The following CPPED1 variants were observed in gnomAD, a reference collection of about 807,000 sequenced individuals.
The protein encoded by CPPED1 is serine/threonine-protein phosphatase CPPED1.
CPPED1 carries 28 observed loss-of-function variants against 28.0 expected under a neutral mutation model. The ratio of observed to expected loss-of-function variants is 1.00; its 90% CI spans 0.74 to 1.37. The LOEUF is 1.37. Ranked by LOEUF, CPPED1 falls within the 40% of genes most tolerant of loss-of-function variation. The pLI is 0.00. For missense variants in CPPED1, 504 were observed against 416.5 expected (o/e 1.21, Z -1.83); for synonymous variants, 198 against 180.2 (o/e 1.10, Z -0.79).
At chr16:12,783,511 T>A (rs1041723929) in intron 1 of CPPED1, among the ~76,000 whole-genome samples, 12 of 122,998 alleles carry the variant, frequency 9.8e-5, no homozygotes, top group African/African-American at 2.7e-4. Context: ...ATAAATAAAT[T>A]AAATAAATAA....
intron 1 of CPPED1, among the ~76,000 whole-genome samples, chr16:12,798,921 T>C (rs2141248139): frequency 6.6e-6 from 1 of 152,338 alleles, no homozygotes; most frequent in East Asian, 1.9e-4. Context: ...TACAATTTTT[T>C]TTAATCAACA....
intron 2 of CPPED1, among the ~76,000 whole-genome samples, chr16:12,723,641 G>T (rs2080154063): frequency 1.3e-5 from 2 of 152,184 alleles, no homozygotes; most frequent in African/African-American, 4.8e-5. Flanking sequence ...TTTCTGCTGT[G>T]TATACCCCCA....
At chr16:12,776,910 C>A (rs1164208057) in intron 2 of CPPED1, among the ~76,000 whole-genome samples, 1 of 152,054 alleles carries the variant, frequency 6.6e-6, no homozygotes. Context: ...CAGAGTGAGA[C>A]TCCATCTCAA....
chr16:12,756,212 T>C (rs1449329353), intron 2 of CPPED1, among the ~76,000 whole-genome samples: 1 of 151,936 alleles, frequency 6.6e-6, no homozygotes, highest in East Asian at 1.9e-4. Flanking sequence ...AGACTGGCAA[T>C]TTGGGAAGGA....
At chr16:12,700,243 C>T (rs1323448756) in intron 3 of CPPED1, among the ~76,000 whole-genome samples, 1 of 152,136 alleles carries the variant, frequency 6.6e-6, no homozygotes, top group East Asian at 1.9e-4. Context: ...GAGGTAGGTG[C>T]CTTTGTATAC....
At chr16:12,701,284 C>G (rs563074168) in intron 3 of CPPED1, among the ~76,000 whole-genome samples, 14 of 152,060 alleles carry the variant, frequency 9.2e-5, no homozygotes, top group African/African-American at 3.1e-4. Flanking sequence ...AATTCCAGCA[C>G]TTTGGGAGGC....
chr16:12,736,656 G>C lies in CPPED1; in HGVS notation c.290-31607C>G, dbSNP rs562904231. ...AGGGAGGAGGAGAGACTTAGATTCA[G>C]TATTCTTCCATTTGCTTAACCATTA... On this transcript the variant is annotated intron_variant, in intron 2 of 3. Coordinates refer to ENST00000381774, the MANE Select transcript of CPPED1 (RefSeq NM_018340.3). Among the ~76,000 whole-genome samples, 50 of 152,308 alleles carry C rather than the reference G, an allele frequency of 3.3e-4. 1 individual carries two copies. In the South Asian group the frequency reaches 0.01, roughly 31 times the overall value.
At chr16:12,721,537 G>C (rs1160158183) in intron 2 of CPPED1, among the ~76,000 whole-genome samples, 1 of 152,084 alleles carries the variant, frequency 6.6e-6, no homozygotes, top group African/African-American at 2.4e-5. Flanking sequence ...CGCATCTCCT[G>C]AGGTCAGGAG....
chr16:12,776,616 C>T (rs532559353), intron 2 of CPPED1, among the ~76,000 whole-genome samples: 1 of 152,252 alleles, frequency 6.6e-6, no homozygotes, highest in East Asian at 1.9e-4. Context: ...CTCTTGTCTG[C>T]TGCCATATAA....
In CPPED1 at chr16:12,682,254, C is replaced by G. The variant is rs975513757; in HGVS notation, c.716-17139G>C. Among the ~76,000 whole-genome samples, 2 of 152,082 alleles carry G rather than the reference C, an allele frequency of 1.3e-5. No individual in the cohort carries two copies. The highest frequency in any genetic ancestry group is 2.4e-5 in the African/African-American group (1 of 41,398). Reference sequence around the variant, plus strand: ...TTTACGATGTTGGCCAGGCTGATCTCAAACTCCTGAACTCAGGTGATCGAC... The same window carrying G: ...TTTACGATGTTGGCCAGGCTGATCTGAAACTCCTGAACTCAGGTGATCGAC... On this transcript the variant is annotated intron_variant, in intron 3 of 3. Transcript: ENST00000381774. This position sits in a 1 kb window ranked among gnomAD's most constrained non-coding sequence, Gnocchi z 6.1.
chr16:12,783,510 T>A (rs1372935442), intron 1 of CPPED1, among the ~76,000 whole-genome samples: 3 of 150,940 alleles, frequency 2.0e-5, no homozygotes, highest in Non-Finnish European at 4.4e-5. Context: ...AATAAATAAA[T>A]TAAATAAATA....
At chr16:12,668,332 C>A (rs1018749164) in intron 3 of CPPED1, among the ~76,000 whole-genome samples, 10 of 151,734 alleles carry the variant, frequency 6.6e-5, no homozygotes, top group Non-Finnish European at 8.8e-5. Context: ...AACTAAACAT[C>A]AAAAATGTCA....
intron 2 of CPPED1, among the ~76,000 whole-genome samples, chr16:12,715,265 G>A (rs543116796): frequency 3.0e-4 from 46 of 152,140 alleles, no homozygotes; most frequent in Admixed American, 2.8e-3. Context: ...GGTTGTTTTC[G>A]CTATTCTGGG....
intron 2 of CPPED1, among the ~76,000 whole-genome samples, chr16:12,714,983 G>A (rs750434645): frequency 1.1e-4 from 16 of 151,828 alleles, no homozygotes; most frequent in Non-Finnish European, 2.2e-4. Context: ...TATGGTGTGA[G>A]GTAGGGGTCC....
chr16:12,777,653 T>C (rs770947230), intron 2 of CPPED1, among the ~76,000 whole-genome samples: 14 of 152,224 alleles, frequency 9.2e-5, no homozygotes, highest in Non-Finnish European at 1.8e-4. Context: ...TTAAGGATTT[T>C]CCTATGGGCT....
intron 3 of CPPED1, among the ~76,000 whole-genome samples, chr16:12,688,181 C>T (rs1467181159): frequency 6.6e-6 from 1 of 151,782 alleles, no homozygotes; most frequent in Non-Finnish European, 1.5e-5. Context: ...CAGGTGCACA[C>T]CACAACACTC....
rs2079913416 is a variant in CPPED1, at chr16:12,682,943, G to A, written c.716-17828C>T. Among the ~76,000 whole-genome samples, 1 of 152,204 alleles carries A rather than the reference G, an allele frequency of 6.6e-6. No homozygotes were observed. Among genetic ancestry groups the A allele is most frequent in the South Asian group, 2.1e-4 (1 of 4,826 alleles). Reference sequence around the variant, plus strand: ...TTAAACACAGCTGTCAGGACAAGAGGCTCATTAAAAAGATTGTTTTGACTG... The same window carrying A: ...TTAAACACAGCTGTCAGGACAAGAGACTCATTAAAAAGATTGTTTTGACTG... On this transcript the variant is annotated intron_variant, in intron 3 of 3. Transcript: ENST00000381774. The surrounding 1 kb of genome is among the most constrained non-coding windows in gnomAD (Gnocchi z 6.1).
In CPPED1 at chr16:12,664,516, T is replaced by C; in HGVS notation, c.*370A>G. 9.3e-7 allele frequency: 1 copy of C among 1,071,052 alleles called. No individual in the cohort carries two copies. Among genetic ancestry groups the C allele is most frequent in the Non-Finnish European group, 1.1e-6 (1 of 884,686 alleles). 66.3% of individuals were successfully genotyped at this position (1,071,052 alleles called of 1,614,324 possible). On this transcript the variant is annotated 3_prime_UTR_variant, in exon 4 of 4. Transcript: ENST00000381774. The surrounding 1 kb of genome is among the most constrained non-coding windows in gnomAD (Gnocchi z 4.2). ...TTTAAGGAATTATCAAAGATCATAC[T>C]TGGCTGTCAGATTGGAATTGAGGTC...
chr16:12,701,098 A>G (rs55670507), intron 3 of CPPED1, among the ~76,000 whole-genome samples: 84,464 of 151,588 alleles, frequency 0.56, 23,759 homozygotes, highest in Admixed American at 0.64. Context: ...GCATCGTGGC[A>G]CTCCCCTGTA....
Sources: gnomAD v4.1 joint callset for allele counts (sites outside exome capture counted in the v4.1 genomes callset) on GRCh38, gnomAD v4.1.1 for gene constraint, Gnocchi (gnomAD v3.1) non-coding constraint, MANE v1.5 for transcripts, NCBI Gene and HGNC (gene_info 2026-07-23, HGNC 2026-07-21) for gene names.